Variants in NLGN4X observed in about 807,000 individuals in gnomAD.
NLGN4X encodes the protein neuroligin 4 X-linked.
In NLGN4X, 3 loss-of-function variants were observed where a neutral mutation model predicts 40.3. The observed-to-expected ratio is 0.07, with a 90% CI of 0.03 to 0.19. NLGN4X has a LOEUF of 0.19. NLGN4X is among the 10% of genes least tolerant of loss of function. The pLI is 1.00. For synonymous variants in NLGN4X, 270 were observed against 306.8 expected, an observed-to-expected ratio of 0.88 and a Z score of 1.25; for missense variants, 382 against 708.3, an observed-to-expected ratio of 0.54 and a Z score of 5.23.
chrX:5,982,963 A>C (rs1176678021), intron 3 of NLGN4X, among the ~76,000 whole-genome samples: 1 of 112,554 alleles, frequency 8.9e-6, no homozygotes, highest in Non-Finnish European at 1.9e-5. Context: ...CCTTTGCCCT[A>C]GTGCACTGTT....
intron 3 of NLGN4X, among the ~76,000 whole-genome samples, chrX:6,023,027 C>G (rs1202129997): frequency 9.0e-6 from 1 of 111,608 alleles, no homozygotes; most frequent in African/African-American, 3.3e-5. Context: ...TTCAGAAGAC[C>G]ATGACGCAAT....
chrX:5,939,101 C>T (rs1443491405), intron 3 of NLGN4X, among the ~76,000 whole-genome samples: 3 of 109,665 alleles, frequency 2.7e-5, no homozygotes, highest in South Asian at 3.9e-4. Flanking sequence ...GCCACCTCTA[C>T]GAATGGGAAA....
At chrX:5,956,555 T>C (rs1348013646) in intron 3 of NLGN4X, among the ~76,000 whole-genome samples, 2 of 111,604 alleles carry the variant, frequency 1.8e-5, no homozygotes, top group Non-Finnish European at 3.8e-5. Flanking sequence ...ATCTCTCTCA[T>C]TGTGTTTCCA....
chrX:6,117,478 C>T (rs186434212), intron 2 of NLGN4X, among the ~76,000 whole-genome samples: 4 of 111,242 alleles, frequency 3.6e-5, no homozygotes, highest in East Asian at 2.8e-4. Flanking sequence ...TCCTCCACAA[C>T]GTCCCATCTG....
At chrX:5,982,845 A>AAG (rs1348400321) in intron 3 of NLGN4X, among the ~76,000 whole-genome samples, 1 of 112,005 alleles carries the variant, frequency 8.9e-6, no homozygotes, top group East Asian at 2.8e-4. Flanking sequence ...ATGACACAGT[A>AAG]AGACCCTGTC....
chrX:6,212,785 C>T (rs759113646), intron 1 of NLGN4X, among the ~76,000 whole-genome samples: 2 of 111,770 alleles, frequency 1.8e-5, no homozygotes, highest in East Asian at 5.6e-4. Flanking sequence ...CATTGAGTCC[C>T]CTCATTTACT....
At chrX:5,933,704 T>A (rs1291230404) in intron 3 of NLGN4X, among the ~76,000 whole-genome samples, 2 of 111,562 alleles carry the variant, frequency 1.8e-5, no homozygotes, top group Non-Finnish European at 1.9e-5. Flanking sequence ...GTTACGCTTA[T>A]CCTGAAGTAA....
At chrX:6,186,490 T>C (rs994978915) in intron 1 of NLGN4X, among the ~76,000 whole-genome samples, 1 of 112,123 alleles carries the variant, frequency 8.9e-6, no homozygotes, top group Non-Finnish European at 1.9e-5. Context: ...TTTAACTATA[T>C]ATGCTTGCCC....
intron 2 of NLGN4X, among the ~76,000 whole-genome samples, chrX:6,043,128 C>T (rs765703292): frequency 3.0e-5 from 2 of 66,260 alleles, no homozygotes; most frequent in Admixed American, 3.5e-4. Flanking sequence ...CTTCTATGCA[C>T]GCGCATACAC....
At chrX:5,928,653 G>C (rs952889248) in intron 3 of NLGN4X, among the ~76,000 whole-genome samples, 4 of 111,443 alleles carry the variant, frequency 3.6e-5, no homozygotes, top group Non-Finnish European at 5.6e-5. Context: ...CCAAGAATGT[G>C]TACCCTACTT....
intron 2 of NLGN4X, among the ~76,000 whole-genome samples, chrX:6,128,752 C>T (rs138673996): frequency 5.5e-4 from 62 of 111,967 alleles, no homozygotes; most frequent in African/African-American, 2.0e-3. Flanking sequence ...ATCTATACCC[C>T]AAACTTCAGC....
intron 3 of NLGN4X, among the ~76,000 whole-genome samples, chrX:6,003,165 C>T (rs1281196516): frequency 9.0e-6 from 1 of 111,658 alleles, no homozygotes; most frequent in Non-Finnish European, 1.9e-5. Flanking sequence ...GCAGACTCAA[C>T]GTCCAACGAC....
At chrX:6,100,604 A>G (rs897496796) in intron 2 of NLGN4X, among the ~76,000 whole-genome samples, 1 of 111,867 alleles carries the variant, frequency 8.9e-6, no homozygotes, top group Non-Finnish European at 1.9e-5. Context: ...TGGCAAAGGA[A>G]TCTTCTGCAA....
intron 1 of NLGN4X, among the ~76,000 whole-genome samples, chrX:6,171,014 G>C (rs2040595094): frequency 9.0e-6 from 1 of 111,429 alleles, no homozygotes; most frequent in African/African-American, 3.3e-5. Context: ...TGTAGAGGTG[G>C]GATTTCGCCA....
chrX:6,221,916 C>T (rs925388832), intron 1 of NLGN4X, among the ~76,000 whole-genome samples: 2 of 111,559 alleles, frequency 1.8e-5, no homozygotes, highest in Admixed American at 1.9e-4. Flanking sequence ...CCGCATGCAA[C>T]TTCACCACAG....
At chrX:6,011,366 AATATAT>A (rs10584166) in intron 3 of NLGN4X, among the ~76,000 whole-genome samples, 5 of 101,385 alleles carry the variant, frequency 4.9e-5, no homozygotes, top group South Asian at 4.5e-4. Flanking sequence ...CAAATTCAGA[AATATAT>A]ATATATATAT....
chrX:6,162,315 G>A (rs760355634), intron 1 of NLGN4X, among the ~76,000 whole-genome samples: 1 of 112,091 alleles, frequency 8.9e-6, no homozygotes, highest in South Asian at 3.7e-4. Flanking sequence ...TTGGATTGAA[G>A]AATGCAAAGT....
intron 1 of NLGN4X, among the ~76,000 whole-genome samples, chrX:6,211,936 A>T (rs1924639758): frequency 8.9e-6 from 1 of 111,839 alleles, no homozygotes; most frequent in Non-Finnish European, 1.9e-5. Context: ...AAGAAAAAAA[A>T]ACATCCTGCC....
chrX:5,946,524 C>G (rs2034125767), intron 3 of NLGN4X, among the ~76,000 whole-genome samples: 1 of 110,633 alleles, frequency 9.0e-6, no homozygotes, highest in African/African-American at 3.3e-5. Flanking sequence ...ATTTAAAAAT[C>G]AAGTAGAACA....
Sources: allele counts gnomAD v4.1 joint callset (sites outside exome capture counted in the v4.1 genomes callset), GRCh38; gene constraint gnomAD v4.1.1; transcripts MANE v1.5; gene names NCBI Gene and HGNC (gene_info 2026-07-23, HGNC 2026-07-21).